Variants in ANP32B observed in about 807,000 individuals in gnomAD.
The protein encoded by ANP32B is acidic nuclear phosphoprotein 32 family member B, also known as acidic leucine-rich nuclear phosphoprotein 32 family member B.
A neutral mutation model predicts 32.2 loss-of-function variants in ANP32B; 6 were observed. That is an observed-to-expected ratio of 0.19 (90% confidence interval 0.10 to 0.37). ANP32B has a LOEUF of 0.37. Among genes scored for constraint, ANP32B ranks in the 10% least tolerant of loss-of-function variants. The pLI, the probability that ANP32B is intolerant of heterozygous loss-of-function variation, is 1.00. For missense variants in ANP32B, 204 were observed against 289.2 expected, an observed-to-expected ratio of 0.71 and a Z score of 2.14; for synonymous variants, 98 against 105.8, an observed-to-expected ratio of 0.93 and a Z score of 0.45.
At chr9:97,992,206 C>T (rs977332725) in intron 1 of ANP32B, among the ~76,000 whole-genome samples, 2 of 152,156 alleles carry the variant, frequency 1.3e-5, no homozygotes, top group African/African-American at 4.8e-5. Context: ...TCTCCTGCCT[C>T]AGCCTCCCAA....
intron 3 of ANP32B, among the ~76,000 whole-genome samples, chr9:98,001,379 A>T (rs1827989340): frequency 6.7e-6 from 1 of 150,206 alleles, no homozygotes; most frequent in South Asian, 2.1e-4. Flanking sequence ...TTTTTAGTAG[A>T]GATGGGGTTT....
At chr9:97,999,856 G>A (rs1827961215) in intron 3 of ANP32B, among the ~76,000 whole-genome samples, 2 of 152,166 alleles carry the variant, frequency 1.3e-5, no homozygotes, top group Non-Finnish European at 2.9e-5. Context: ...TTGGAAGAGG[G>A]TTATTTAGCA....
At chr9:98,005,784 C>G (rs776991957) in intron 4 of ANP32B, among the ~76,000 whole-genome samples, 25 of 152,242 alleles carry the variant, frequency 1.6e-4, no homozygotes, top group Non-Finnish European at 3.1e-4. Context: ...AACTGTAAAC[C>G]GCTTGCTCTT....
At chr9:98,005,706 A>C (rs188289705) in intron 4 of ANP32B, among the ~76,000 whole-genome samples, 8 of 152,296 alleles carry the variant, frequency 5.3e-5, no homozygotes, top group Admixed American at 4.6e-4. Context: ...TACAGGGATG[A>C]GACACTGAAC....
At chr9:97,983,844 C>G (rs1355252804) in intron 1 of ANP32B, among the ~76,000 whole-genome samples, 1 of 151,868 alleles carries the variant, frequency 6.6e-6, no homozygotes, top group African/African-American at 2.4e-5. Context: ...TGGGGGAAAG[C>G]AAACTTTGAG....
intron 3 of ANP32B, among the ~76,000 whole-genome samples, chr9:97,999,994 T>C (rs534003368): frequency 1.1e-4 from 16 of 152,362 alleles, no homozygotes; most frequent in African/African-American, 3.4e-4. Context: ...TAGAATGCTC[T>C]GTTGATACTT....
At chr9:97,987,838 G>C (rs1035014625) in intron 1 of ANP32B, among the ~76,000 whole-genome samples, 1 of 152,046 alleles carries the variant, frequency 6.6e-6, no homozygotes, top group Non-Finnish European at 1.5e-5. Flanking sequence ...CCCAGCTTTT[G>C]ACCTCTTTTG....
At chr9:98,011,783 A>G (rs1207265805) in intron 5 of ANP32B, among the ~76,000 whole-genome samples, 1 of 152,212 alleles carries the variant, frequency 6.6e-6, no homozygotes, top group African/African-American at 2.4e-5. Context: ...TTCAGTAAAT[A>G]TATATCTGCT....
At chr9:97,986,831 G>A (rs1472879725) in intron 1 of ANP32B, 5 of 152,254 alleles carry the variant, frequency 3.3e-5, no homozygotes, top group Non-Finnish European at 1.5e-5. Flanking sequence ...ATATACAGCA[G>A]TGTCCCATGG....
At chr9:97,991,290 T>G (rs1477011936) in intron 1 of ANP32B, among the ~76,000 whole-genome samples, 1 of 152,038 alleles carries the variant, frequency 6.6e-6, no homozygotes, top group Non-Finnish European at 1.5e-5. Context: ...TAATTATTTA[T>G]TTTTTGTAGA....
intron 1 of ANP32B, among the ~76,000 whole-genome samples, chr9:97,985,106 C>G (rs1452131659): frequency 6.6e-6 from 1 of 151,190 alleles, no homozygotes; most frequent in African/African-American, 2.4e-5. Flanking sequence ...CAGTTAGCGC[C>G]GCGGCCGGGT....
In ANP32B at chr9:98,015,849, TTATTA is replaced by T. The variant is rs1457940416; in HGVS notation, c.*420_*424del. 1 of 961,256 alleles carries T rather than the reference TTATTA, an allele frequency of 1.0e-6. No individual in the cohort carries two copies. Among genetic ancestry groups the T allele is most frequent in the Non-Finnish European group, 1.2e-6 (1 of 811,204 alleles). The allele number at this position is 961,256 out of a possible 1,614,324, so 59.5% of individuals were successfully genotyped here. On this transcript the variant is annotated 3_prime_UTR_variant, in exon 7 of 7. Coordinates refer to ENST00000339399, the MANE Select transcript of ANP32B (RefSeq NM_006401.3). Reference sequence around the variant, plus strand: ...TTCATGCTTTGCTTTTTAATTATTATTATTATTTTTTTTACATTAGGACATTTTAT... The same window carrying T: ...TTCATGCTTTGCTTTTTAATTATTATTTTTTTTTACATTAGGACATTTTAT...
chr9:98,013,839 GA>G lies in ANP32B; in HGVS notation c.688+1368del, dbSNP rs140647923. Among the ~76,000 whole-genome samples, 303 of 151,816 alleles carry G rather than the reference GA, an allele frequency of 2.0e-3. 1 individual carries two copies. The highest frequency in any genetic ancestry group is 6.8e-3 in the African/African-American group (281 of 41,388). ...CCACTGCACTGCAGCCTGGACAACA[GA>G]GCAAGACTCTGTCTCAAAAAAAAAA... On this transcript the variant is annotated intron_variant, in intron 6 of 6. Transcript: ENST00000339399.
chr9:98,008,782 A>T (rs1828131565), intron 4 of ANP32B, among the ~76,000 whole-genome samples: 1 of 152,176 alleles, frequency 6.6e-6, no homozygotes, highest in Non-Finnish European at 1.5e-5. Context: ...CATTGATTCC[A>T]CATTATGATG....
Position 98,005,050 on chromosome 9 carries a change from C to T in ANP32B, c.414C>T (p.Leu138=). The change falls in exon 4 of 7, where the codon CTC becomes CTT. Residue 138 remains leucine (L), a synonymous_variant. Transcript: ENST00000339399. Reference sequence around the variant, plus strand: ...ACTACCGAGAGAGTGTCTTCAAGCTCCTGCCCCAGCTTACCTACTTGGATG... The same window carrying T: ...ACTACCGAGAGAGTGTCTTCAAGCTTCTGCCCCAGCTTACCTACTTGGATG... ...LNDYRESVFK[L]LPQLTYLDGY... is the part of the protein sequence containing the mutation. The T allele has an allele frequency of 6.2e-7, 1 of 1,614,016 alleles. No homozygotes were observed. The highest frequency in any genetic ancestry group is 8.5e-7 in the Non-Finnish European group (1 of 1,180,004).
rs1828269171 is a variant in ANP32B, at chr9:98,015,734, A to G, written c.*303A>G. The G allele has an allele frequency of 1.9e-6, 2 of 1,032,672 alleles. No individual in the cohort carries two copies. Among genetic ancestry groups the G allele is most frequent in the East Asian group, 7.6e-5 (1 of 13,134 alleles). 64.0% of individuals were successfully genotyped at this position (1,032,672 alleles called of 1,614,324 possible). The stretch of plus-strand genomic sequence containing the variant: ...ATTGGTGAGTCAACCGTCTGTGGCT[A>G]CCAGTTACACTGAGATTGTAACAGC... On this transcript the variant is annotated 3_prime_UTR_variant, in exon 7 of 7. Coordinates refer to ENST00000339399, the MANE Select transcript of ANP32B (RefSeq NM_006401.3).
At chr9:97,994,494 CTA>C in intron 1 of ANP32B, 135 bp from the exon 2 acceptor site, 1 of 731,512 alleles carries the variant, frequency 1.4e-6, no homozygotes, top group Non-Finnish European at 2.2e-6. Flanking sequence ...CTTTTTATAA[CTA>C]TGATCTAGGT....
intron 5 of ANP32B, among the ~76,000 whole-genome samples, chr9:98,012,099 A>G (rs1194365703): frequency 6.6e-6 from 1 of 152,214 alleles, no homozygotes; most frequent in Non-Finnish European, 1.5e-5. Context: ...TGAATGGGAT[A>G]TAGAAATTTT....
At chr9:97,999,323 C>G (rs1459214120) in intron 3 of ANP32B, among the ~76,000 whole-genome samples, 1 of 152,108 alleles carries the variant, frequency 6.6e-6, no homozygotes, top group Non-Finnish European at 1.5e-5. Flanking sequence ...TTTTTTTCTT[C>G]AGACTGGCCA....
Sources: gnomAD v4.1 joint callset for allele counts (sites outside exome capture counted in the v4.1 genomes callset) on GRCh38, gnomAD v4.1.1 for gene constraint, MANE v1.5 for transcripts, NCBI Gene and HGNC (gene_info 2026-07-23, HGNC 2026-07-21) for gene names.